The following GNA14 variants were observed in gnomAD, a reference collection of about 807,000 sequenced individuals.
GNA14 encodes G protein subunit alpha 14.
In GNA14, 50 loss-of-function variants were observed where a neutral mutation model predicts 42.0. That is an observed-to-expected ratio of 1.19 (90% CI 0.95 to 1.51). The LOEUF is 1.51. Ranked by LOEUF, GNA14 falls within the 40% of genes most tolerant of loss-of-function variation. GNA14 has a pLI of 0.00. For synonymous variants in GNA14, 173 were observed against 163.1 expected (o/e 1.06, Z -0.46); for missense variants, 473 against 446.2 (o/e 1.06, Z -0.54).
chr9:77,479,454 C>T (rs1270974664), intron 2 of GNA14, among the ~76,000 whole-genome samples: 9 of 152,070 alleles, frequency 5.9e-5, no homozygotes, highest in Admixed American at 5.9e-4. Context: ...AGTCAGGTAG[C>T]ATGATGCCTC....
intron 1 of GNA14, among the ~76,000 whole-genome samples, chr9:77,592,569 C>G (rs966846514): frequency 2.0e-5 from 3 of 152,130 alleles, no homozygotes; most frequent in Non-Finnish European, 4.4e-5. Context: ...CTCCAGTTTA[C>G]CCCAGTCACC....
At chr9:77,492,192 CTAT>C (rs1261070496) in intron 2 of GNA14, among the ~76,000 whole-genome samples, 1 of 151,912 alleles carries the variant, frequency 6.6e-6, no homozygotes, top group African/African-American at 2.4e-5. Context: ...CAATAAATGA[CTAT>C]ATTAAAAAAC....
At chr9:77,579,775 T>C (rs149193745) in intron 1 of GNA14, among the ~76,000 whole-genome samples, 179 of 152,326 alleles carry the variant, frequency 1.2e-3, no homozygotes, top group African/African-American at 4.2e-3. Context: ...ATTTGTTCAA[T>C]TGTGAAGTGC....
intron 2 of GNA14, among the ~76,000 whole-genome samples, chr9:77,466,460 T>G (rs1836228525): frequency 6.6e-6 from 1 of 152,218 alleles, no homozygotes; most frequent in African/African-American, 2.4e-5. Context: ...TTTGGTTCAT[T>G]TTTATAATTT....
intron 1 of GNA14, among the ~76,000 whole-genome samples, chr9:77,594,418 A>G (rs1278991348): frequency 6.6e-6 from 1 of 152,208 alleles, no homozygotes; most frequent in Non-Finnish European, 1.5e-5. Flanking sequence ...TCCATGAACT[A>G]TCTACTGCTG....
Position 77,428,902 on chromosome 9 carries a change from C to T in GNA14, c.723+5G>A, listed in dbSNP as rs200134648. The T allele has an allele frequency of 1.9e-6, 3 of 1,612,918 alleles. No homozygotes were observed. Among genetic ancestry groups the T allele is most frequent in the East Asian group, 2.2e-5 (1 of 44,846 alleles). Reference sequence around the variant, plus strand: ...ACAGCTACCCAAACTTCCCGCCCAGCATACCTCGTTGTCACACTCAGCCAG... The same window carrying T: ...ACAGCTACCCAAACTTCCCGCCCAGTATACCTCGTTGTCACACTCAGCCAG... On this transcript the variant is annotated splice_donor_5th_base_variant and intron_variant, in intron 5 of 6. Coordinates refer to ENST00000341700, the MANE Select transcript of GNA14 (RefSeq NM_004297.4).
chr9:77,597,971 G>A (rs951855077), intron 1 of GNA14, among the ~76,000 whole-genome samples: 2 of 152,084 alleles, frequency 1.3e-5, no homozygotes, highest in Non-Finnish European at 2.9e-5. Flanking sequence ...CCTGGGAGGT[G>A]GAGGTTGCAG....
chr9:77,611,147 T>G (rs570621277), intron 1 of GNA14, among the ~76,000 whole-genome samples: 8 of 152,298 alleles, frequency 5.3e-5, no homozygotes, highest in Non-Finnish European at 7.4e-5. Context: ...GTAGCCAAGA[T>G]AGTGGCTATC....
intron 1 of GNA14, among the ~76,000 whole-genome samples, chr9:77,581,145 G>A (rs1206213528): frequency 6.6e-6 from 1 of 152,170 alleles, no homozygotes; most frequent in East Asian, 1.9e-4. Context: ...TTTGCAGGGT[G>A]TGTTTACGGG....
At chr9:77,645,578 T>G (rs1020365754) in intron 1 of GNA14, among the ~76,000 whole-genome samples, 3 of 152,006 alleles carry the variant, frequency 2.0e-5, no homozygotes, top group Admixed American at 6.6e-5. Context: ...TGCCTCAAGG[T>G]GGTAGGAGGA....
intron 1 of GNA14, among the ~76,000 whole-genome samples, chr9:77,587,911 C>G (rs1225207625): frequency 2.6e-5 from 4 of 152,172 alleles, no homozygotes; most frequent in African/African-American, 9.7e-5. Context: ...CTTCTGGAGG[C>G]TCTAAGGGAG....
At chr9:77,584,867 G>A (rs1056889747) in intron 1 of GNA14, among the ~76,000 whole-genome samples, 8 of 152,136 alleles carry the variant, frequency 5.3e-5, no homozygotes, top group African/African-American at 1.9e-4. Context: ...GTAACTTCCT[G>A]ATGTTGCCAT....
chr9:77,629,051 A>C (rs1373167049), intron 1 of GNA14, among the ~76,000 whole-genome samples: 1 of 152,140 alleles, frequency 6.6e-6, no homozygotes. Context: ...AGAAAAAAAA[A>C]CCCCATCAAA....
intron 2 of GNA14, among the ~76,000 whole-genome samples, chr9:77,439,370 G>A (rs1401250975): frequency 6.6e-6 from 1 of 152,240 alleles, no homozygotes; most frequent in Non-Finnish European, 1.5e-5. Flanking sequence ...TGGGTGCAGT[G>A]GCTCACGCCT....
chr9:77,627,163 C>A (rs1439367560), intron 1 of GNA14, among the ~76,000 whole-genome samples: 3 of 152,114 alleles, frequency 2.0e-5, no homozygotes, highest in African/African-American at 4.8e-5. Context: ...GACACATACA[C>A]CCTCCCAAGA....
intron 1 of GNA14, among the ~76,000 whole-genome samples, chr9:77,549,401 C>G (rs1292044528): frequency 6.6e-6 from 1 of 152,148 alleles, no homozygotes; most frequent in African/African-American, 2.4e-5. Flanking sequence ...ATTCTAACAC[C>G]CTGTGGCCCT....
At chr9:77,631,909 C>T (rs1447760302) in intron 1 of GNA14, among the ~76,000 whole-genome samples, 2 of 152,164 alleles carry the variant, frequency 1.3e-5, no homozygotes, top group Non-Finnish European at 2.9e-5. Context: ...GCAGGATCCT[C>T]GCCCCTTCTG....
intron 2 of GNA14, among the ~76,000 whole-genome samples, chr9:77,479,021 C>T (rs1317464740): frequency 2.0e-5 from 3 of 151,750 alleles, no homozygotes; most frequent in Non-Finnish European, 3.0e-5. Context: ...TGCAGAAGCT[C>T]TTTAATTAGA....
At chr9:77,552,737 C>T (rs1837800462) in intron 1 of GNA14, among the ~76,000 whole-genome samples, 1 of 152,278 alleles carries the variant, frequency 6.6e-6, no homozygotes, top group African/African-American at 2.4e-5. Flanking sequence ...ATTTTAATAT[C>T]ATTATTATTT....
Sources: allele counts gnomAD v4.1 joint callset (sites outside exome capture counted in the v4.1 genomes callset), GRCh38; gene constraint gnomAD v4.1.1; transcripts MANE v1.5; gene names NCBI Gene and HGNC (gene_info 2026-07-23, HGNC 2026-07-21).